PRKN: variants seen among roughly 807,000 people sequenced by gnomAD.
PRKN encodes the protein E3 ubiquitin-protein ligase parkin.
PRKN carries 56 observed loss-of-function variants against 59.5 expected under a neutral mutation model. The observed-to-expected ratio is 0.94, with a 90% CI of 0.76 to 1.18. The LOEUF is 1.18. Ranked by LOEUF, PRKN falls within the 50% of genes most tolerant of loss-of-function variation. The pLI is 0.00. For synonymous variants in PRKN, 250 were observed against 222.1 expected, an observed-to-expected ratio of 1.13 and a Z score of -1.12; for missense variants, 657 against 596.4, an observed-to-expected ratio of 1.10 and a Z score of -1.06.
chr6:161,858,740 C>A (rs142033439), intron 6 of PRKN, among the ~76,000 whole-genome samples: 2,649 of 152,122 alleles, frequency 0.017, 80 homozygotes, highest in African/African-American at 0.061. Flanking sequence ...GGAGGAGGAA[C>A]CCTGAGCTTC....
intron 6 of PRKN, among the ~76,000 whole-genome samples, chr6:161,802,139 A>G (rs1791108453): frequency 6.6e-6 from 1 of 152,104 alleles, no homozygotes; most frequent in Non-Finnish European, 1.5e-5. Context: ...TCATTGGAGG[A>G]AGAGTCATTA....
chr6:162,303,537 C>T (rs1782059797), intron 2 of PRKN, among the ~76,000 whole-genome samples: 1 of 151,992 alleles, frequency 6.6e-6, no homozygotes, highest in African/African-American at 2.4e-5. Flanking sequence ...TACTGAAGTA[C>T]CTACTGGGTA....
At chr6:162,159,812 T>A (rs563884512) in intron 4 of PRKN, among the ~76,000 whole-genome samples, 1 of 152,328 alleles carries the variant, frequency 6.6e-6, no homozygotes, top group African/African-American at 2.4e-5. Context: ...ACTAATCTGC[T>A]AATTTTTGGC....
At chr6:161,649,870 A>T (rs1462571478) in intron 7 of PRKN, among the ~76,000 whole-genome samples, 2 of 152,226 alleles carry the variant, frequency 1.3e-5, no homozygotes, top group Non-Finnish European at 2.9e-5. Context: ...CAGTGACACT[A>T]TGTGACTTTG....
chr6:162,133,614 A>C (rs891840327), intron 4 of PRKN, among the ~76,000 whole-genome samples: 11 of 152,210 alleles, frequency 7.2e-5, no homozygotes, highest in Middle Eastern at 6.8e-3. Context: ...ATATCACAGA[A>C]AGCCATGGGC....
chr6:162,421,002 G>A (rs1488042926), intron 2 of PRKN, among the ~76,000 whole-genome samples: 1 of 152,192 alleles, frequency 6.6e-6, no homozygotes, highest in Non-Finnish European at 1.5e-5. Flanking sequence ...TCTGCCCCAA[G>A]AGAAGCTAGC....
intron 7 of PRKN, among the ~76,000 whole-genome samples, chr6:161,782,526 A>C (rs924091428): frequency 3.3e-5 from 5 of 152,176 alleles, no homozygotes; most frequent in African/African-American, 9.7e-5. Context: ...ATTTCTTTGA[A>C]TATAGCATGT....
chr6:161,874,950 G>GTATTATATTATA (rs1794644683), intron 6 of PRKN, among the ~76,000 whole-genome samples: 2 of 65,778 alleles, frequency 3.0e-5, no homozygotes, highest in African/African-American at 1.7e-4. Flanking sequence ...TATATTATAG[G>GTATTATATTATA]TACTTTATAT....
Position 161,527,021 on chromosome 6 carries a change from T to C in PRKN, c.1083+21833A>G, listed in dbSNP as rs1041754097. On this transcript the variant is annotated intron_variant, in intron 9 of 11. Coordinates refer to ENST00000366898, the MANE Select transcript of PRKN (RefSeq NM_004562.3). The surrounding 1 kb of genome is among the most constrained non-coding windows in gnomAD (Gnocchi z 4.6). ...TTATACCGATAGAAAGCCTCAGGAG[T>C]AGTAAAAGTTGTTTCAGTGCATCTC... 7.2e-5 allele frequency among the ~76,000 whole-genome samples: 11 copies of C among 152,022 alleles called. No individual in the cohort carries two copies. The highest frequency in any genetic ancestry group is 2.7e-4 in the African/African-American group (11 of 41,370).
rs528669670 is a variant in PRKN at position 161,906,030 on chromosome 6, C to T, written c.734+67272G>A. On this transcript the variant is annotated intron_variant, in intron 6 of 11. Coordinates refer to ENST00000366898, the MANE Select transcript of PRKN (RefSeq NM_004562.3). ...ATTTTAAAAGAGAGACAGGGTCTCA[C>T]TATGTTGCCCAGACTGGTCTGTAAC... Among the ~76,000 whole-genome samples, 7 of 151,482 alleles carry T rather than the reference C, an allele frequency of 4.6e-5. No individual in the cohort carries two copies. In the East Asian group the frequency reaches 1.4e-3, roughly 29 times the overall value.
Position 161,712,846 on chromosome 6 carries a change from G to A in PRKN, c.871+72926C>T, listed in dbSNP as rs78423590. Among the ~76,000 whole-genome samples, 1,416 of 152,200 alleles carry A rather than the reference G, an allele frequency of 9.3e-3. 18 individuals are homozygous for A. The highest frequency in any genetic ancestry group is 0.033 in the African/African-American group (1,356 of 41,520). On this transcript the variant is annotated intron_variant, in intron 7 of 11. Transcript: ENST00000366898. ...TCCTTGCACTCAGACACTCAACACA[G>A]AACACTTCTATGACCAGATGGTGGT... is the stretch of plus-strand genomic sequence containing the variant.
intron 5 of PRKN, among the ~76,000 whole-genome samples, chr6:162,001,846 G>GC (rs1327493967): frequency 8.9e-6 from 1 of 111,886 alleles, no homozygotes; most frequent in African/African-American, 4.2e-5. Flanking sequence ...TTTGCAAATA[G>GC]CTTTTTTTTT....
chr6:161,445,433 C>A lies in PRKN; in HGVS notation c.1084-58556G>T, dbSNP rs1001857281. On this transcript the variant is annotated intron_variant, in intron 9 of 11. Coordinates refer to ENST00000366898, the MANE Select transcript of PRKN (RefSeq NM_004562.3). This position sits in a 1 kb window ranked among gnomAD's most constrained non-coding sequence, Gnocchi z 7.7. The stretch of plus-strand genomic sequence containing the variant: ...CAGAGGAGCTGAGAGCTGAGGCCCA[C>A]CCTCCCCTTTCTCCTACACATGGAC... Among the ~76,000 whole-genome samples the A allele has an allele frequency of 1.3e-5, 2 of 152,150 alleles. No individual in the cohort carries two copies. The highest frequency in any genetic ancestry group is 4.8e-5 in the African/African-American group (2 of 41,426).
chr6:162,394,293 C>G (rs943069169), intron 2 of PRKN, among the ~76,000 whole-genome samples: 1 of 152,196 alleles, frequency 6.6e-6, no homozygotes, highest in African/African-American at 2.4e-5. Flanking sequence ...GAGCGTTCTG[C>G]TTTCCCTTAG....
chr6:162,595,333 G>A (rs1476665539), intron 1 of PRKN, among the ~76,000 whole-genome samples: 3 of 150,882 alleles, frequency 2.0e-5, no homozygotes, highest in Non-Finnish European at 4.4e-5. Context: ...TTGGCTCACT[G>A]CAACCTCCGC....
At chr6:162,234,300 G>T (rs778595198) in intron 3 of PRKN, among the ~76,000 whole-genome samples, 3 of 152,180 alleles carry the variant, frequency 2.0e-5, no homozygotes, top group Non-Finnish European at 2.9e-5. Context: ...AGTGGAGCCA[G>T]GCCCCAGTGA....
In PRKN at chr6:161,959,736, C is replaced by T. The variant is rs79334234; in HGVS notation, c.734+13566G>A. ...ATAACTATTTATGACATATATTTCCCGAGAACAGGATTATTAATAATCATA... is the reference window on the plus strand; with the variant it reads ...ATAACTATTTATGACATATATTTCCTGAGAACAGGATTATTAATAATCATA... On this transcript the variant is annotated intron_variant, in intron 6 of 11. Transcript: ENST00000366898. Among the ~76,000 whole-genome samples the T allele has an allele frequency of 8.2e-3, 1,249 of 152,032 alleles. 19 individuals carry two copies. The highest frequency in any genetic ancestry group is 0.028 in the African/African-American group (1,167 of 41,464).
chr6:161,874,904 T>C (rs1369649505), intron 6 of PRKN, among the ~76,000 whole-genome samples: 4 of 109,002 alleles, frequency 3.7e-5, no homozygotes, highest in Admixed American at 2.4e-4. Flanking sequence ...ATATATAATA[T>C]ATATTATAAA....
At chr6:161,841,131 A>G (rs1018409505) in intron 6 of PRKN, among the ~76,000 whole-genome samples, 1 of 152,238 alleles carries the variant, frequency 6.6e-6, no homozygotes, top group African/African-American at 2.4e-5. Context: ...TTGTTGCAAC[A>G]GTATTCACAA....
Sources: gnomAD v4.1 joint callset for allele counts (sites outside exome capture counted in the v4.1 genomes callset) on GRCh38, gnomAD v4.1.1 for gene constraint, Gnocchi (gnomAD v3.1) non-coding constraint, MANE v1.5 for transcripts, NCBI Gene and HGNC (gene_info 2026-07-23, HGNC 2026-07-21) for gene names.